The following CGGBP1 variants were observed in gnomAD, a reference collection of about 807,000 sequenced individuals.
CGGBP1 encodes the protein CGG triplet repeat-binding protein 1.
In CGGBP1, 4 loss-of-function variants were observed where a neutral mutation model predicts 11.4. The ratio of observed to expected loss-of-function variants is 0.35; its 90% confidence interval spans 0.17 to 0.80. The LOEUF (loss-of-function observed/expected upper bound fraction) is 0.80, where lower values mean the gene tolerates loss of function less well. Among genes scored for constraint, CGGBP1 ranks in the 30% least tolerant of loss-of-function variants. The pLI, the probability that CGGBP1 is intolerant of heterozygous loss-of-function variation, is 0.52. For synonymous variants in CGGBP1, 76 were observed against 74.1 expected, an observed-to-expected ratio of 1.03 and a Z score of -0.13; for missense variants, 135 against 202.1, an observed-to-expected ratio of 0.67 and a Z score of 2.01.
At chr3:88,131,835 G>A (rs185045380) in intron 2 of CGGBP1, among the ~76,000 whole-genome samples, 52 of 152,044 alleles carry the variant, frequency 3.4e-4, no homozygotes, top group Non-Finnish European at 2.2e-4. Context: ...GTAATTTGAT[G>A]AGCAGGATTT....
chr3:88,132,945 A>G (rs1422839722), intron 2 of CGGBP1, among the ~76,000 whole-genome samples: 7 of 152,192 alleles, frequency 4.6e-5, no homozygotes, highest in Non-Finnish European at 4.4e-5. Context: ...TGAAAGCTAC[A>G]TGGAAGGCCA....
intron 2 of CGGBP1, among the ~76,000 whole-genome samples, chr3:88,078,112 C>T (rs948240464): frequency 2.0e-5 from 3 of 152,092 alleles, no homozygotes; most frequent in African/African-American, 4.8e-5. Context: ...TTGTGAATAT[C>T]GGACTGATTT....
In CGGBP1 at chr3:88,052,557, G is replaced by A. The variant is rs932081558; in HGVS notation, c.*2916C>T. ...AGTTTTAACGTGGAAGTTTCAGCTT[G>A]GAGATCTTGCCAACTGTACTTACAA... On this transcript the variant is annotated 3_prime_UTR_variant, in exon 4 of 4. Transcript: ENST00000482016. 1 of 152,570 alleles carries A rather than the reference G, an allele frequency of 6.6e-6. No individual in the cohort carries two copies. Among genetic ancestry groups the A allele is most frequent in the African/African-American group, 2.4e-5 (1 of 41,440 alleles). The allele number at this position is 152,570 out of a possible 1,614,324, so 9.5% of individuals were successfully genotyped here. A position where few individuals can be genotyped will look rare whatever the true frequency, so the allele number is the denominator to read the frequency against.
chr3:88,140,599 T>G, intron 2 of CGGBP1: 1 of 1,613,744 alleles, frequency 6.2e-7, no homozygotes, highest in East Asian at 2.2e-5. Flanking sequence ...AGTGATATAG[T>G]CAATGGACAC....
intron 2 of CGGBP1, among the ~76,000 whole-genome samples, chr3:88,137,831 G>A (rs534998804): frequency 2.0e-5 from 3 of 152,170 alleles, no homozygotes; most frequent in South Asian, 4.1e-4. Context: ...CTAAGAAAAC[G>A]TGAGGCTGGC....
chr3:88,077,509 A>AT (rs11379558), intron 2 of CGGBP1, among the ~76,000 whole-genome samples: 118,680 of 151,468 alleles, frequency 0.78, 47,414 homozygotes, highest in South Asian at 0.91. Flanking sequence ...ATTTTTTGTG[A>AT]TTTTTTTAGT....
intron 2 of CGGBP1, among the ~76,000 whole-genome samples, chr3:88,066,131 A>G (rs1406476469): frequency 1.3e-5 from 2 of 152,238 alleles, no homozygotes; most frequent in Non-Finnish European, 2.9e-5. Context: ...TGCTTTTTTA[A>G]AAAAATGAAT....
intron 2 of CGGBP1, among the ~76,000 whole-genome samples, chr3:88,111,719 GC>G (rs1380945410): frequency 6.6e-6 from 1 of 151,906 alleles, no homozygotes; most frequent in Non-Finnish European, 1.5e-5. Context: ...AAGTAGAACT[GC>G]TAGGTCAAAT....
At chr3:88,128,532 A>G (rs1706255575) in intron 2 of CGGBP1, among the ~76,000 whole-genome samples, 1 of 151,888 alleles carries the variant, frequency 6.6e-6, no homozygotes, top group Non-Finnish European at 1.5e-5. Context: ...GAACTGAAAG[A>G]AGAAAAAAAA....
At chr3:88,091,790 G>A (rs374319544) in intron 2 of CGGBP1, among the ~76,000 whole-genome samples, 45 of 152,216 alleles carry the variant, frequency 3.0e-4, no homozygotes, top group African/African-American at 9.9e-4. Context: ...CTTGCCTGCC[G>A]CCATGTAAGA....
intron 2 of CGGBP1, among the ~76,000 whole-genome samples, chr3:88,075,166 T>G (rs1707730835): frequency 6.6e-6 from 1 of 152,252 alleles, no homozygotes; most frequent in South Asian, 2.1e-4. Context: ...TGTGTTTTCC[T>G]GGCACTCCTT....
At chr3:88,132,399 G>C (rs181096124) in intron 2 of CGGBP1, among the ~76,000 whole-genome samples, 10 of 152,204 alleles carry the variant, frequency 6.6e-5, no homozygotes, top group Non-Finnish European at 1.2e-4. Context: ...GTTTTCTAAT[G>C]CACACATTGA....
intron 2 of CGGBP1, chr3:88,139,865 C>T: frequency 1.2e-6 from 2 of 1,603,644 alleles, no homozygotes; most frequent in Non-Finnish European, 1.7e-6. Context: ...GAACTGTGTG[C>T]CATCCAAAAG....
At chr3:88,138,694 T>G in intron 2 of CGGBP1, 2 of 1,230,380 alleles carry the variant, frequency 1.6e-6, no homozygotes, top group East Asian at 3.2e-5. Context: ...CTAATATTTT[T>G]CTTTTTACAG....
intron 2 of CGGBP1, among the ~76,000 whole-genome samples, chr3:88,105,458 C>G (rs982418807): frequency 1.3e-5 from 2 of 152,156 alleles, no homozygotes; most frequent in East Asian, 3.9e-4. Context: ...TGTTTCCATT[C>G]TTTTCCTGTT....
intron 2 of CGGBP1, among the ~76,000 whole-genome samples, chr3:88,103,511 C>G (rs1397477372): frequency 6.6e-6 from 1 of 151,966 alleles, no homozygotes; most frequent in African/African-American, 2.4e-5. Flanking sequence ...AACATGTCTA[C>G]TAGAATTTCA....
chr3:88,118,838 C>T (rs578102302), intron 2 of CGGBP1, among the ~76,000 whole-genome samples: 1 of 152,098 alleles, frequency 6.6e-6, no homozygotes, highest in East Asian at 1.9e-4. Flanking sequence ...CAATGAGATA[C>T]CATCTCACAC....
intron 2 of CGGBP1, among the ~76,000 whole-genome samples, chr3:88,119,562 A>C (rs567548383): frequency 8.6e-5 from 13 of 151,922 alleles, no homozygotes; most frequent in South Asian, 6.2e-4. Context: ...AAAAAAAAAA[A>C]CAATAATTAT....
At chr3:88,112,801 G>A (rs987377072) in intron 2 of CGGBP1, among the ~76,000 whole-genome samples, 2 of 151,994 alleles carry the variant, frequency 1.3e-5, no homozygotes, top group Non-Finnish European at 2.9e-5. Flanking sequence ...TGATCCTTGT[G>A]TATATAGCTA....
Sources: allele counts gnomAD v4.1 joint callset (sites outside exome capture counted in the v4.1 genomes callset), GRCh38; gene constraint gnomAD v4.1.1; transcripts MANE v1.5; gene names NCBI Gene and HGNC (gene_info 2026-07-23, HGNC 2026-07-21).